Variants in KIRREL3 observed in about 807,000 individuals in gnomAD.
KIRREL3 encodes kirre like nephrin family adhesion molecule 3, also known as kin of IRRE-like protein 3.
In KIRREL3, 36 loss-of-function variants were observed where a neutral mutation model predicts 89.7. That is an observed-to-expected ratio of 0.40 (90% CI 0.31 to 0.53). The LOEUF is 0.53. Ranked by LOEUF, KIRREL3 falls within the 20% of genes least tolerant of loss-of-function variation. The probability of loss-of-function intolerance (pLI) is 0.49; values close to 1 mark genes in which losing one functional copy is unlikely to be tolerated. For synonymous variants in KIRREL3, 445 were observed against 441.4 expected (o/e 1.01, Z -0.10); for missense variants, 864 against 1,056.6 (o/e 0.82, Z 2.53).
intron 1 of KIRREL3, among the ~76,000 whole-genome samples, chr11:126,960,300 C>A (rs976388350): frequency 1.3e-5 from 2 of 152,134 alleles, no homozygotes; most frequent in East Asian, 3.9e-4. Flanking sequence ...TCCTAACTAC[C>A]TACCATGGGA....
chr11:126,998,320 T>C (rs1950229583), intron 1 of KIRREL3, among the ~76,000 whole-genome samples: 1 of 152,216 alleles, frequency 6.6e-6, no homozygotes, highest in Non-Finnish European at 1.5e-5. Context: ...GCTGGACCCC[T>C]TGATTCCCAT....
Position 126,973,099 on chromosome 11 carries a change from G to GAAAAA in KIRREL3, c.55+27355_55+27356insTTTTT, listed in dbSNP as rs763115363. On this transcript the variant is annotated intron_variant, in intron 1 of 16. Transcript: ENST00000525144. ...TTCCACTGCCAACTCTAAGTTTTGA[G>GAAAAA]GAAAAAAAAAAAAAAAAAAAAGACA... 3.7e-3 allele frequency among the ~76,000 whole-genome samples: 151 copies of GAAAAA among 41,138 alleles called. 1 individual carries two copies. The highest frequency in any genetic ancestry group is 0.012 in the African/African-American group (140 of 11,516). 27.0% of individuals were successfully genotyped at this position (41,138 alleles called of 152,430 possible). A position where few individuals can be genotyped will look rare whatever the true frequency, so the allele number is the denominator to read the frequency against.
Position 126,584,985 on chromosome 11 carries a change from C to T in KIRREL3, c.56-22073G>A, listed in dbSNP as rs368671339. Among the ~76,000 whole-genome samples, 3 of 151,554 alleles carry T rather than the reference C, an allele frequency of 2.0e-5. No individual in the cohort carries two copies. The East Asian group carries it at 5.8e-4, about 29-fold the overall frequency. On this transcript the variant is annotated intron_variant, in intron 1 of 16. Transcript: ENST00000525144. ...CCAGGCTGGAGTGCAGTGGCGCAAT[C>T]TCGGCTCACTGCAAGCTCCGCCTCC...
intron 1 of KIRREL3, among the ~76,000 whole-genome samples, chr11:126,848,010 G>A (rs770190430): frequency 5.9e-5 from 9 of 152,092 alleles, no homozygotes; most frequent in Non-Finnish European, 1.3e-4. Flanking sequence ...AAAGCCCCTT[G>A]GGAAACTGGC....
At chr11:126,986,825 A>C (rs1949880541) in intron 1 of KIRREL3, among the ~76,000 whole-genome samples, 1 of 152,226 alleles carries the variant, frequency 6.6e-6, no homozygotes, top group Admixed American at 6.5e-5. Flanking sequence ...CTCTGGTTAG[A>C]AAGTGACTTT....
intron 1 of KIRREL3, among the ~76,000 whole-genome samples, chr11:126,619,469 C>T (rs1239974852): frequency 1.3e-5 from 2 of 152,304 alleles, no homozygotes; most frequent in East Asian, 3.9e-4. Context: ...ATGACATAAT[C>T]TGATTCACAT....
At chr11:126,701,719 C>T (rs746192985) in intron 1 of KIRREL3, among the ~76,000 whole-genome samples, 1 of 152,084 alleles carries the variant, frequency 6.6e-6, no homozygotes, top group Non-Finnish European at 1.5e-5. Flanking sequence ...AGGGCAGCAC[C>T]TGGGCGGAGT....
At chr11:126,913,398 G>A (rs912060685) in intron 1 of KIRREL3, among the ~76,000 whole-genome samples, 1 of 152,208 alleles carries the variant, frequency 6.6e-6, no homozygotes, top group South Asian at 2.1e-4. Context: ...GAAATGCAAG[G>A]GAGGATTGCT....
rs571697615 is a variant in KIRREL3, at chr11:126,750,437, C to T, written c.56-187525G>A. On this transcript the variant is annotated intron_variant, in intron 1 of 16. Transcript: ENST00000525144. The surrounding 1 kb of genome is among the most constrained non-coding windows in gnomAD (Gnocchi z 4.2). ...GGTTAGCCAGAGAGGAACACTCTTACCCTCTTTAGAAACAGAAGGGACTGG... is the reference window on the plus strand; with the variant it reads ...GGTTAGCCAGAGAGGAACACTCTTATCCTCTTTAGAAACAGAAGGGACTGG... Among the ~76,000 whole-genome samples the T allele has an allele frequency of 2.0e-5, 3 of 152,148 alleles. No homozygotes were observed. Among genetic ancestry groups the T allele is most frequent in the Non-Finnish European group, 4.4e-5 (3 of 68,030 alleles).
rs1958811070 is a variant in KIRREL3, at chr11:126,527,891, G to A, written c.134-1204C>T. Among the ~76,000 whole-genome samples, 1 of 152,178 alleles carries A rather than the reference G, an allele frequency of 6.6e-6. No individual in the cohort carries two copies. Among genetic ancestry groups the A allele is most frequent in the Non-Finnish European group, 1.5e-5 (1 of 68,032 alleles). ...GATGAAGAGGTGTGATGTGATCTGT[G>A]TCTCCTGGGAGTCCACAGTTGAGTG... On this transcript the variant is annotated intron_variant, in intron 2 of 16. Coordinates refer to ENST00000525144, the MANE Select transcript of KIRREL3 (RefSeq NM_032531.4). This position sits in a 1 kb window ranked among gnomAD's most constrained non-coding sequence, Gnocchi z 4.2.
rs1420574319 is a variant in KIRREL3, at chr11:126,570,755, A to G, written c.56-7843T>C. ...CTCCTCACCACCAGCTGTGGGGTCT[A>G]GAATTATCTGTGCTGCTATGTCTCA... is the stretch of plus-strand genomic sequence containing the variant. On this transcript the variant is annotated intron_variant, in intron 1 of 16. Transcript: ENST00000525144. This position sits in a 1 kb window ranked among gnomAD's most constrained non-coding sequence, Gnocchi z 6.1. Among the ~76,000 whole-genome samples, 2 of 152,214 alleles carry G rather than the reference A, an allele frequency of 1.3e-5. No individual in the cohort carries two copies. The highest frequency in any genetic ancestry group is 1.3e-4 in the Admixed American group (2 of 15,288).
In KIRREL3 at chr11:126,994,201, G is replaced by A. The variant is rs1565485759; in HGVS notation, c.55+6254C>T. 6.6e-6 allele frequency among the ~76,000 whole-genome samples: 1 copy of A among 152,304 alleles called. No homozygotes were observed. The highest frequency in any genetic ancestry group is 1.9e-4 in the East Asian group (1 of 5,186). On this transcript the variant is annotated intron_variant, in intron 1 of 16. Coordinates refer to ENST00000525144, the MANE Select transcript of KIRREL3 (RefSeq NM_032531.4). This position sits in a 1 kb window ranked among gnomAD's most constrained non-coding sequence, Gnocchi z 5.2. ...TTAACATTAAGTGGTGTGTGCGTGT[G>A]TGTGTGTGTATGTGTTCAGTAGGGG...
chr11:126,485,171 G>GT lies in KIRREL3; in HGVS notation c.434-11706_434-11705insA, dbSNP rs1957323819. Among the ~76,000 whole-genome samples, 1 of 152,096 alleles carries GT rather than the reference G, an allele frequency of 6.6e-6. No individual in the cohort carries two copies. The highest frequency in any genetic ancestry group is 6.5e-5 in the Admixed American group (1 of 15,272). ...ATCCGATATATTTGGCAGCACAATC[G>GT]CACAGACGTGTCTCCAAGGAGGTTG... On this transcript the variant is annotated intron_variant, in intron 4 of 16. Transcript: ENST00000525144. The surrounding 1 kb of genome is among the most constrained non-coding windows in gnomAD (Gnocchi z 5.8).
intron 1 of KIRREL3, among the ~76,000 whole-genome samples, chr11:126,592,947 G>A (rs748761482): frequency 6.6e-6 from 1 of 152,094 alleles, no homozygotes. Flanking sequence ...CTGTGAGGGG[G>A]CTAGGAGCTG....
At chr11:126,590,421 C>T (rs372419409) in intron 1 of KIRREL3, among the ~76,000 whole-genome samples, 1 of 152,196 alleles carries the variant, frequency 6.6e-6, no homozygotes, top group Admixed American at 6.5e-5. Context: ...GCCTTAAATC[C>T]CTAAGTCTTC....
chr11:126,915,568 A>G (rs1358191747), intron 1 of KIRREL3, among the ~76,000 whole-genome samples: 1 of 152,152 alleles, frequency 6.6e-6, no homozygotes, highest in Non-Finnish European at 1.5e-5. Context: ...TGTAGAATCC[A>G]GTTTTGTCCA....
chr11:126,816,305 A>G lies in KIRREL3; in HGVS notation c.55+184150T>C, dbSNP rs181720703. On this transcript the variant is annotated intron_variant, in intron 1 of 16. Coordinates refer to ENST00000525144, the MANE Select transcript of KIRREL3 (RefSeq NM_032531.4). ...GTCAGCTCAATTATCCTACAATTGC[A>G]TAGACAATAGGTGAACTGTTTTTCT... 2.0e-5 allele frequency among the ~76,000 whole-genome samples: 3 copies of G among 152,364 alleles called. No homozygotes were observed. The East Asian group carries it at 5.8e-4, about 29-fold the overall frequency.
chr11:126,682,435 A>C lies in KIRREL3; in HGVS notation c.56-119523T>G, dbSNP rs1216131232. 6.6e-6 allele frequency among the ~76,000 whole-genome samples: 1 copy of C among 152,104 alleles called. No homozygotes were observed. The highest frequency in any genetic ancestry group is 1.5e-5 in the Non-Finnish European group (1 of 68,020). The stretch of plus-strand genomic sequence containing the variant: ...TGAGATGAATCTGGTGATACTGAGT[A>C]GGTGTGCAATCAATATTTGTTTTTT... On this transcript the variant is annotated intron_variant, in intron 1 of 16. Transcript: ENST00000525144. This position sits in a 1 kb window ranked among gnomAD's most constrained non-coding sequence, Gnocchi z 4.8.
At chr11:126,852,015 T>C (rs1239250606) in intron 1 of KIRREL3, among the ~76,000 whole-genome samples, 1 of 150,604 alleles carries the variant, frequency 6.6e-6, no homozygotes, top group Non-Finnish European at 1.5e-5. Flanking sequence ...CACTCTTCCA[T>C]GAGCACATGA....
Sources: allele counts gnomAD v4.1 joint callset (sites outside exome capture counted in the v4.1 genomes callset), GRCh38; gene constraint gnomAD v4.1.1; non-coding constraint Gnocchi (gnomAD v3.1); transcripts MANE v1.5; gene names NCBI Gene and HGNC (gene_info 2026-07-23, HGNC 2026-07-21).